AGBL1: variants seen among roughly 807,000 people sequenced by gnomAD.
The protein encoded by AGBL1 is cytosolic carboxypeptidase 4.
A neutral mutation model predicts 118.9 loss-of-function variants in AGBL1; 130 were observed. The ratio of observed to expected loss-of-function variants is 1.09; its 90% CI spans 0.95 to 1.26. The LOEUF (loss-of-function observed/expected upper bound fraction) is 1.26, where lower values mean the gene tolerates loss of function less well. Among genes scored for constraint, AGBL1 ranks in the 50% most tolerant of loss-of-function variants. AGBL1 has a pLI of 0.00. For missense variants in AGBL1, 1,584 were observed against 1,298.1 expected, an observed-to-expected ratio of 1.22 and a Z score of -3.38; for synonymous variants, 555 against 478.9, an observed-to-expected ratio of 1.16 and a Z score of -2.08.
chr15:86,301,507 A>T (rs1417078456), intron 17 of AGBL1, among the ~76,000 whole-genome samples: 1 of 152,110 alleles, frequency 6.6e-6, no homozygotes, highest in Admixed American at 6.6e-5. Context: ...TAATAAAAGA[A>T]GTCAGAGAAA....
At chr15:86,256,631 G>C (rs1792869718) in intron 7 of AGBL1, among the ~76,000 whole-genome samples, 1 of 152,244 alleles carries the variant, frequency 6.6e-6, no homozygotes, top group African/African-American at 2.4e-5. Flanking sequence ...GCAAGAGACA[G>C]AAAAGTGCAG....
chr15:86,808,737 T>A (rs1035134750), intron 22 of AGBL1, among the ~76,000 whole-genome samples: 6 of 151,180 alleles, frequency 4.0e-5, no homozygotes, highest in African/African-American at 1.5e-4. Flanking sequence ...CCTCCCTCCC[T>A]TCTTTCCTTC....
intron 18 of AGBL1, among the ~76,000 whole-genome samples, chr15:86,500,397 A>C (rs978754285): frequency 1.3e-5 from 2 of 151,908 alleles, no homozygotes; most frequent in African/African-American, 2.4e-5. Flanking sequence ...GTATGGAAAT[A>C]GGTAGCCATA....
intron 5 of AGBL1, among the ~76,000 whole-genome samples, chr15:86,174,093 T>C (rs1368612147): frequency 2.0e-5 from 3 of 152,108 alleles, no homozygotes; most frequent in African/African-American, 7.2e-5. Flanking sequence ...AGCATGGGTG[T>C]CTTTCCATTT....
At chr15:86,516,758 G>T (rs571952120) in intron 18 of AGBL1, among the ~76,000 whole-genome samples, 1 of 148,648 alleles carries the variant, frequency 6.7e-6, no homozygotes, top group Non-Finnish European at 1.5e-5. Context: ...CCGGGATGGT[G>T]CTCTAGCCTG....
chr15:87,026,770 C>T (rs1393848524), intron 24 of AGBL1, among the ~76,000 whole-genome samples: 1 of 151,980 alleles, frequency 6.6e-6, no homozygotes, highest in Non-Finnish European at 1.5e-5. Context: ...GATAAAGAAA[C>T]TGTGGTATAT....
chr15:86,524,518 C>T (rs1395124731), intron 19 of AGBL1, among the ~76,000 whole-genome samples: 1 of 152,198 alleles, frequency 6.6e-6, no homozygotes, highest in Non-Finnish European at 1.5e-5. Context: ...GGAAACCTCA[C>T]TTAGCTCTGG....
intron 22 of AGBL1, among the ~76,000 whole-genome samples, chr15:86,799,237 T>TA (rs2078617030): frequency 6.6e-6 from 1 of 152,152 alleles, no homozygotes. Flanking sequence ...TGCAGGTTAG[T>TA]TACATATGTA....
At chr15:87,011,721 A>C (rs865866432) in intron 24 of AGBL1, among the ~76,000 whole-genome samples, 2 of 152,206 alleles carry the variant, frequency 1.3e-5, no homozygotes, top group Admixed American at 6.5e-5. Context: ...GTAGTCAACA[A>C]AGTGCAAGAG....
At chr15:86,774,777 C>T (rs558126480) in intron 22 of AGBL1, among the ~76,000 whole-genome samples, 1 of 152,092 alleles carries the variant, frequency 6.6e-6, no homozygotes, top group Non-Finnish European at 1.5e-5. Flanking sequence ...ACAAGCAGGG[C>T]ATATTTCTTG....
intron 21 of AGBL1, among the ~76,000 whole-genome samples, chr15:86,658,806 AG>A (rs979823176): frequency 1.8e-4 from 27 of 152,178 alleles, no homozygotes; most frequent in Admixed American, 3.9e-4. Context: ...GGTTTGATTT[AG>A]GGAAAAAACG....
intron 23 of AGBL1, among the ~76,000 whole-genome samples, chr15:86,970,137 T>A (rs1375931373): frequency 1.3e-5 from 2 of 151,830 alleles, no homozygotes; most frequent in African/African-American, 4.8e-5. Flanking sequence ...GCGGAGGAAG[T>A]GGAGCCCAGG....
intron 18 of AGBL1, among the ~76,000 whole-genome samples, chr15:86,413,907 G>T (rs1567244750): frequency 6.6e-6 from 1 of 152,214 alleles, no homozygotes; most frequent in East Asian, 1.9e-4. Context: ...CAGTAGCAAA[G>T]ATGTGGAATC....
intron 21 of AGBL1, among the ~76,000 whole-genome samples, chr15:86,635,281 TC>T (rs1373680904): frequency 4.7e-5 from 1 of 21,104 alleles, no homozygotes; most frequent in Non-Finnish European, 7.8e-5. Context: ...TCCTCCTCCT[TC>T]CCCTCCCCCT....
At chr15:86,240,567 A>G (rs1160069681) in intron 6 of AGBL1, among the ~76,000 whole-genome samples, 2 of 152,182 alleles carry the variant, frequency 1.3e-5, no homozygotes, top group African/African-American at 4.8e-5. Context: ...AAGTTTTGCA[A>G]TATAATTGCT....
At chr15:86,770,685 TGTAGAGGGTATC>T (rs2078164450) in intron 22 of AGBL1, among the ~76,000 whole-genome samples, 1 of 151,832 alleles carries the variant, frequency 6.6e-6, no homozygotes, top group Non-Finnish European at 1.5e-5. Context: ...TCCAAGTAGA[TGTAGAGGGTATC>T]GTAGGAGCAA....
chr15:86,888,430 T>G (rs767028349), intron 22 of AGBL1, among the ~76,000 whole-genome samples: 1 of 152,144 alleles, frequency 6.6e-6, no homozygotes, highest in Non-Finnish European at 1.5e-5. Flanking sequence ...ATACCTTTAT[T>G]TTAAAGGTAA....
intron 17 of AGBL1, among the ~76,000 whole-genome samples, chr15:86,336,661 A>T (rs1403313919): frequency 6.6e-6 from 1 of 152,176 alleles, no homozygotes. Context: ...TCTGATCCAT[A>T]ATTTATACCA....
intron 18 of AGBL1, among the ~76,000 whole-genome samples, chr15:86,466,910 C>G (rs1279141981): frequency 1.3e-5 from 2 of 152,218 alleles, no homozygotes; most frequent in East Asian, 1.9e-4. Context: ...AGCCAGAGCT[C>G]TCCTGTATGA....
Sources: allele counts gnomAD v4.1 joint callset (sites outside exome capture counted in the v4.1 genomes callset), GRCh38; gene constraint gnomAD v4.1.1; transcripts MANE v1.5; gene names NCBI Gene and HGNC (gene_info 2026-07-23, HGNC 2026-07-21).